The following CADPS2 variants were observed in gnomAD, a reference collection of about 807,000 sequenced individuals.
CADPS2 encodes the protein calcium dependent secretion activator 2, also known as calcium-dependent secretion activator 2.
In CADPS2, 93 loss-of-function variants were observed where a neutral mutation model predicts 172.5. The observed-to-expected ratio is 0.54, with a 90% confidence interval of 0.46 to 0.64. The LOEUF (loss-of-function observed/expected upper bound fraction) is 0.64. CADPS2 is among the 30% of genes least tolerant of loss of function. The probability of loss-of-function intolerance (pLI) is 0.00; values close to 1 mark genes in which losing one functional copy is unlikely to be tolerated. For synonymous variants in CADPS2, 546 were observed against 555.2 expected (o/e 0.98, Z 0.23); for missense variants, 1,420 against 1,565.9 (o/e 0.91, Z 1.57).
chr7:122,650,193 AGCTACTAC>A (rs891873128), intron 3 of CADPS2, among the ~76,000 whole-genome samples: 32 of 151,796 alleles, frequency 2.1e-4, no homozygotes, highest in African/African-American at 7.5e-4. Context: ...TACAGGTGTG[AGCTACTAC>A]GCCCGGCCAA....
chr7:122,728,988 T>C (rs563528449), intron 2 of CADPS2, among the ~76,000 whole-genome samples: 12 of 151,892 alleles, frequency 7.9e-5, no homozygotes, highest in African/African-American at 2.9e-4. Context: ...TATGTTTGTA[T>C]CCATTACCCA....
intron 8 of CADPS2, among the ~76,000 whole-genome samples, chr7:122,542,214 T>G (rs914025447): frequency 6.6e-6 from 1 of 152,066 alleles, no homozygotes; most frequent in African/African-American, 2.4e-5. Flanking sequence ...GATCACACAG[T>G]GATGAGGCTA....
chr7:122,606,033 C>A (rs1184885720), intron 6 of CADPS2, among the ~76,000 whole-genome samples: 55 of 152,198 alleles, frequency 3.6e-4, no homozygotes, highest in Admixed American at 3.5e-3. Flanking sequence ...AATTATTTAG[C>A]AGTTGAATAC....
chr7:122,523,373 A>T (rs1009265936), intron 8 of CADPS2, among the ~76,000 whole-genome samples: 5 of 152,152 alleles, frequency 3.3e-5, no homozygotes, highest in African/African-American at 1.2e-4. Context: ...AACTAAATCA[A>T]ACTGTGCAGA....
At position 122,556,913 on chromosome 7, in the gene CADPS2, G is replaced by A. The variant is rs547749862; in HGVS notation, c.1336-2224C>T. ...TATTGCTCTTCTTTCCCTAGAGTAT[G>A]CAATGGTTTCCTGATTTAGTTAATT... On this transcript the variant is annotated intron_variant, in intron 7 of 29. Coordinates refer to ENST00000449022, the MANE Select transcript of CADPS2 (RefSeq NM_017954.11). Among the ~76,000 whole-genome samples the A allele has an allele frequency of 5.3e-5, 8 of 152,138 alleles. No individual in the cohort carries two copies. In the South Asian group the frequency reaches 8.3e-4, roughly 16 times the overall value.
chr7:122,754,172 CT>C (rs890184679), intron 1 of CADPS2, among the ~76,000 whole-genome samples: 4 of 152,098 alleles, frequency 2.6e-5, no homozygotes, highest in Non-Finnish European at 5.9e-5. Flanking sequence ...AATTAATTTG[CT>C]TTTGCTTTTC....
chr7:122,458,664 A>T (rs562745337), intron 14 of CADPS2, among the ~76,000 whole-genome samples: 1 of 152,192 alleles, frequency 6.6e-6, no homozygotes, highest in Non-Finnish European at 1.5e-5. Context: ...TGGTGAAAGC[A>T]ATCATCTGAC....
intron 28 of CADPS2, among the ~76,000 whole-genome samples, chr7:122,336,911 G>A (rs567907777): frequency 6.6e-6 from 1 of 152,228 alleles, no homozygotes; most frequent in East Asian, 1.9e-4. Flanking sequence ...AGGCTCTGGT[G>A]GAAATCTAAA....
intron 14 of CADPS2, among the ~76,000 whole-genome samples, chr7:122,467,812 G>C (rs1211076313): frequency 6.6e-6 from 1 of 152,138 alleles, no homozygotes; most frequent in Admixed American, 6.5e-5. Context: ...ATGAAGCATT[G>C]TCTCTGAAAG....
Position 122,820,542 on chromosome 7 carries a change from G to GTTTTTTTTTT in CADPS2, c.339+65456_339+65457insAAAAAAAAAA, listed in dbSNP as rs1286462243. 1.3e-4 allele frequency among the ~76,000 whole-genome samples: 15 copies of GTTTTTTTTTT among 117,790 alleles called. 1 individual carries two copies. The highest frequency in any genetic ancestry group is 4.7e-4 in the African/African-American group (13 of 27,590). 77.3% of individuals were successfully genotyped at this position (117,790 alleles called of 152,430 possible). A position where few individuals can be genotyped will look rare whatever the true frequency, so the allele number is the denominator to read the frequency against. On this transcript the variant is annotated intron_variant, in intron 1 of 29. Transcript: ENST00000449022. ...TCTGTCCAAACAACTTGACCTTACT[G>GTTTTTTTTTT]TTTTTTGTTTTTTGTTTTTTTTTTT...
chr7:122,801,440 TTCA>T (rs1157169178), intron 1 of CADPS2, among the ~76,000 whole-genome samples: 7 of 152,224 alleles, frequency 4.6e-5, no homozygotes, highest in African/African-American at 1.7e-4. Flanking sequence ...ATCTAAGTAA[TTCA>T]TCACTTTGCT....
chr7:122,808,154 T>C (rs1039872323), intron 1 of CADPS2, among the ~76,000 whole-genome samples: 1 of 152,112 alleles, frequency 6.6e-6, no homozygotes, highest in Non-Finnish European at 1.5e-5. Flanking sequence ...GTGCTCACGA[T>C]TACCAGATTG....
chr7:122,554,765 G>A, intron 7 of CADPS2, 76 bp from the exon 8 acceptor site: 1 of 1,279,032 alleles, frequency 7.8e-7, no homozygotes, highest in East Asian at 2.8e-5. Context: ...TATTTTCTAT[G>A]TTTTCCTGTT....
intron 1 of CADPS2, among the ~76,000 whole-genome samples, chr7:122,813,429 G>A (rs1293278479): frequency 3.3e-5 from 5 of 151,972 alleles, no homozygotes; most frequent in South Asian, 2.1e-4. Context: ...TTGCTAAAAC[G>A]TTACTGTGAA....
intron 1 of CADPS2, among the ~76,000 whole-genome samples, chr7:122,855,262 G>A (rs73441719): frequency 1.3e-5 from 2 of 152,238 alleles, no homozygotes; most frequent in Admixed American, 6.5e-5. Context: ...TTGTGGACAC[G>A]AAGAAAGGAA....
At chr7:122,478,617 CTG>C (rs1224644537) in intron 12 of CADPS2, among the ~76,000 whole-genome samples, 6 of 152,054 alleles carry the variant, frequency 3.9e-5, no homozygotes, top group Non-Finnish European at 8.8e-5. Flanking sequence ...AGGATAATAG[CTG>C]TTGGAAGTTA....
rs565226689 is a variant in CADPS2 at position 122,811,402 on chromosome 7, C to T, written c.340-74334G>A. On this transcript the variant is annotated intron_variant, in intron 1 of 29. Transcript: ENST00000449022. ...AATTATCTTTGGATATGTTGATGAA[C>T]ATCTAGCATGATTTTCTAGAGTCCA... Among the ~76,000 whole-genome samples, 9 of 152,246 alleles carry T rather than the reference C, an allele frequency of 5.9e-5. No individual in the cohort carries two copies. In the East Asian group the frequency reaches 1.7e-3, roughly 29 times the overall value.
At chr7:122,514,541 G>A (rs571013531) in intron 8 of CADPS2, among the ~76,000 whole-genome samples, 11 of 152,030 alleles carry the variant, frequency 7.2e-5, no homozygotes, top group Non-Finnish European at 1.3e-4. Flanking sequence ...GAATTAATGC[G>A]CACTCATTCA....
intron 1 of CADPS2, among the ~76,000 whole-genome samples, chr7:122,741,908 A>C (rs1313857694): frequency 2.6e-5 from 4 of 152,178 alleles, no homozygotes; most frequent in African/African-American, 9.6e-5. Flanking sequence ...TGATTATTTA[A>C]GAGTTTTCTC....
Sources: allele counts gnomAD v4.1 joint callset (sites outside exome capture counted in the v4.1 genomes callset), GRCh38; gene constraint gnomAD v4.1.1; transcripts MANE v1.5; gene names NCBI Gene and HGNC (gene_info 2026-07-23, HGNC 2026-07-21).